AGPAT3: variants seen among roughly 807,000 people sequenced by gnomAD.
AGPAT3 encodes 1-acylglycerol-3-phosphate O-acyltransferase 3.
AGPAT3 carries 5 observed loss-of-function variants against 47.3 expected under a neutral mutation model. That is an observed-to-expected ratio of 0.11 (90% CI 0.06 to 0.22). The LOEUF (loss-of-function observed/expected upper bound fraction) is 0.22, where lower values mean the gene tolerates loss of function less well. Ranked by LOEUF, AGPAT3 falls within the 10% of genes least tolerant of loss-of-function variation. The pLI is 1.00. For synonymous variants in AGPAT3, 212 were observed against 208.3 expected (o/e 1.02, Z -0.15); for missense variants, 315 against 493.0 (o/e 0.64, Z 3.42).
intron 2 of AGPAT3, among the ~76,000 whole-genome samples, chr21:43,905,411 A>G (rs2086470180): frequency 2.0e-5 from 3 of 151,940 alleles, no homozygotes; most frequent in Admixed American, 2.0e-4. Context: ...GATGGTCTCT[A>G]TTGCTTGACC....
intron 1 of AGPAT3, among the ~76,000 whole-genome samples, chr21:43,883,556 G>A (rs2085900614): frequency 6.6e-6 from 1 of 152,144 alleles, no homozygotes; most frequent in Non-Finnish European, 1.5e-5. Flanking sequence ...AGCAAGCCTG[G>A]GTATTTTCTT....
At chr21:43,887,031 T>C (rs1201958799) in intron 1 of AGPAT3, among the ~76,000 whole-genome samples, 3 of 152,232 alleles carry the variant, frequency 2.0e-5, no homozygotes, top group Non-Finnish European at 4.4e-5. Flanking sequence ...CTGCTCTCAA[T>C]AGTGGTTGTA....
At chr21:43,919,438 C>T (rs1164513859) in intron 2 of AGPAT3, among the ~76,000 whole-genome samples, 1 of 152,176 alleles carries the variant, frequency 6.6e-6, no homozygotes, top group Non-Finnish European at 1.5e-5. Context: ...GAATAATGGC[C>T]TCCAGCTCCA....
chr21:43,917,873 TG>T (rs2086774876), intron 2 of AGPAT3, among the ~76,000 whole-genome samples: 1 of 68,862 alleles, frequency 1.5e-5, no homozygotes, highest in Non-Finnish European at 2.6e-5. Context: ...GTGAGTGTTG[TG>T]GGGGTTGTGG....
At chr21:43,893,587 T>G (rs538889027) in intron 1 of AGPAT3, among the ~76,000 whole-genome samples, 1 of 152,376 alleles carries the variant, frequency 6.6e-6, no homozygotes, top group East Asian at 1.9e-4. Context: ...CTCAGCAGGC[T>G]TAGTCACTTC....
chr21:43,981,476 G>A lies in AGPAT3; in HGVS notation c.1042+289G>A. On this transcript the variant is annotated intron_variant, in intron 9 of 9. Transcript: ENST00000291572. The surrounding 1 kb of genome is among the most constrained non-coding windows in gnomAD (Gnocchi z 5.3). ...ATGCCGACGAGAGGGTCCCCGAGAG[G>A]GTCCCCAGCCCCCCTGTCTGCTTTT... The A allele has an allele frequency of 2.0e-6, 1 of 491,062 alleles. No homozygotes were observed. Among genetic ancestry groups the A allele is most frequent in the Non-Finnish European group, 3.7e-6 (1 of 269,362 alleles). The allele number at this position is 491,062 out of a possible 1,614,324, so 30.4% of individuals were successfully genotyped here.
chr21:43,866,260 C>A (rs1219551254), intron 1 of AGPAT3, among the ~76,000 whole-genome samples: 1 of 150,204 alleles, frequency 6.7e-6, no homozygotes, highest in Non-Finnish European at 1.5e-5. Flanking sequence ...CAGTTGGGTT[C>A]TTTTTCCTGG....
At chr21:43,953,016 A>G (rs1266296378) in intron 2 of AGPAT3, among the ~76,000 whole-genome samples, 2 of 152,178 alleles carry the variant, frequency 1.3e-5, no homozygotes, top group African/African-American at 4.8e-5. Flanking sequence ...AAGTGGCTTT[A>G]TGGGCCTCCA....
intron 2 of AGPAT3, among the ~76,000 whole-genome samples, chr21:43,906,530 A>G (rs1050149473): frequency 2.0e-4 from 31 of 152,158 alleles, no homozygotes; most frequent in African/African-American, 7.5e-4. Context: ...GCTAAAACCA[A>G]CGAGACAGAT....
At chr21:43,961,356 G>C (rs533840527) in intron 3 of AGPAT3, among the ~76,000 whole-genome samples, 1 of 151,312 alleles carries the variant, frequency 6.6e-6, no homozygotes, top group East Asian at 2.0e-4. Flanking sequence ...CGGTAAGCGC[G>C]TAGACACTTT....
chr21:43,900,638 G>T (rs1369758410), intron 1 of AGPAT3, among the ~76,000 whole-genome samples: 2 of 152,168 alleles, frequency 1.3e-5, no homozygotes, highest in African/African-American at 2.4e-5. Flanking sequence ...GTCTCTGAGA[G>T]CTGACCACAG....
chr21:43,905,923 C>T (rs112368392), intron 2 of AGPAT3, among the ~76,000 whole-genome samples: 12 of 152,274 alleles, frequency 7.9e-5, no homozygotes, highest in African/African-American at 2.4e-4. Flanking sequence ...CAGGGTGTGG[C>T]GCACGTGGGC....
chr21:43,890,449 A>G (rs539562397), intron 1 of AGPAT3, among the ~76,000 whole-genome samples: 71 of 151,742 alleles, frequency 4.7e-4, no homozygotes, highest in African/African-American at 1.1e-3. Flanking sequence ...GTCTTGCTCT[A>G]TTGCCCAGGC....
At chr21:43,969,767 G>T (rs747285504) in intron 5 of AGPAT3, among the ~76,000 whole-genome samples, 1 of 151,692 alleles carries the variant, frequency 6.6e-6, no homozygotes, top group South Asian at 2.1e-4. Flanking sequence ...GTGCAATCTC[G>T]GGTCACTGCA....
At chr21:43,927,692 G>A (rs1601329094) in intron 2 of AGPAT3, among the ~76,000 whole-genome samples, 2 of 152,220 alleles carry the variant, frequency 1.3e-5, no homozygotes, top group African/African-American at 4.8e-5. Flanking sequence ...GTGACTTTGT[G>A]GTGAGATGGC....
rs1233116007 is a variant in AGPAT3 at position 43,970,716 on chromosome 21, G to A, written c.574G>A (p.Ala192Thr). 1 of 1,613,692 alleles carries A rather than the reference G, an allele frequency of 6.2e-7. No homozygotes were observed. The highest frequency in any genetic ancestry group is 8.5e-7 in the Non-Finnish European group (1 of 1,179,686). ...CAAGCACCGCGTTAGCATGGAGGTG[G>A]CGGCTGCTAAGGGGCTTCCTGTCCT... ...ETKHRVSMEV[A>T]AAKGLPVLKY... Residue 192 changes from alanine (A) to threonine (T), a missense_variant, in exon 6 of 10, where the codon GCG becomes ACG. Coordinates refer to ENST00000291572, the MANE Select transcript of AGPAT3 (RefSeq NM_020132.5). This position sits in a 1 kb window ranked among gnomAD's most constrained non-coding sequence, Gnocchi z 5.8.
chr21:43,974,017 G>A (rs915829361), intron 7 of AGPAT3, among the ~76,000 whole-genome samples: 6 of 151,814 alleles, frequency 4.0e-5, no homozygotes, highest in African/African-American at 1.5e-4. Context: ...GTTTCATAAT[G>A]TATGTAACAG....
At chr21:43,926,409 C>T (rs918020856) in intron 2 of AGPAT3, among the ~76,000 whole-genome samples, 9 of 152,118 alleles carry the variant, frequency 5.9e-5, no homozygotes, top group Admixed American at 2.0e-4. Context: ...GGAGGGCATG[C>T]GCATCTGTGT....
At position 43,986,543 on chromosome 21, in the gene AGPAT3, C is replaced by T. The variant is rs1490875691; in HGVS notation, c.*4151C>T. The stretch of plus-strand genomic sequence containing the variant: ...AGTTACTTGATACAATGAAGAAATG[C>T]ATCTGATCTACTTGTATTTATTGTC... On this transcript the variant is annotated 3_prime_UTR_variant, in exon 10 of 10. Transcript: ENST00000291572. 1.3e-5 allele frequency: 2 copies of T among 152,630 alleles called. No homozygotes were observed. Among genetic ancestry groups the T allele is most frequent in the East Asian group, 3.8e-4 (2 of 5,200 alleles). 9.5% of individuals were successfully genotyped at this position (152,630 alleles called of 1,614,324 possible).
Sources: allele counts gnomAD v4.1 joint callset (sites outside exome capture counted in the v4.1 genomes callset), GRCh38; gene constraint gnomAD v4.1.1; non-coding constraint Gnocchi (gnomAD v3.1); transcripts MANE v1.5; gene names NCBI Gene and HGNC (gene_info 2026-07-23, HGNC 2026-07-21).